The following CSMD1 variants were observed in gnomAD, a reference collection of about 807,000 sequenced individuals.
The protein encoded by CSMD1 is CUB and Sushi multiple domains 1.
In CSMD1, 213 loss-of-function variants were observed where a neutral mutation model predicts 417.5. That is an observed-to-expected ratio of 0.51 (90% confidence interval 0.46 to 0.57). CSMD1 has a LOEUF of 0.57. Among genes scored for constraint, CSMD1 ranks in the 20% least tolerant of loss-of-function variants. The pLI is 0.00. For missense variants in CSMD1, 6,923 were observed against 4,529.7 expected, an observed-to-expected ratio of 1.53 and a Z score of -15.17; for synonymous variants, 2,862 against 1,736.8, an observed-to-expected ratio of 1.65 and a Z score of -16.11.
At chr8:3,857,955 G>A (rs1804430753) in intron 5 of CSMD1, among the ~76,000 whole-genome samples, 1 of 152,184 alleles carries the variant, frequency 6.6e-6, no homozygotes, top group African/African-American at 2.4e-5. Context: ...TACACTGCAT[G>A]GTGACTTCTC....
chr8:3,030,529 G>T (rs545377121), intron 50 of CSMD1, among the ~76,000 whole-genome samples: 53 of 151,998 alleles, frequency 3.5e-4, no homozygotes, highest in African/African-American at 1.2e-3. Context: ...CAGGCTGGAG[G>T]GCAGTGGCAT....
intron 10 of CSMD1, among the ~76,000 whole-genome samples, chr8:3,518,109 A>T (rs1456198502): frequency 6.6e-6 from 1 of 152,040 alleles, no homozygotes. Context: ...ACTATAGATT[A>T]TAACTACAAA....
At position 4,776,696 on chromosome 8, in the gene CSMD1, C is replaced by T. The variant is rs192872098; in HGVS notation, c.86-139138G>A. On this transcript the variant is annotated intron_variant, in intron 1 of 69. Transcript: ENST00000635120. ...CTTTACCACAGGGAGACAACCAGAACACTGGCTTGATTCCAATTTTAATTT... is the reference window on the plus strand; with the variant it reads ...CTTTACCACAGGGAGACAACCAGAATACTGGCTTGATTCCAATTTTAATTT... Among the ~76,000 whole-genome samples the T allele has an allele frequency of 6.1e-3, 936 of 152,290 alleles. 11 individuals are homozygous for T. The highest frequency in any genetic ancestry group is 0.021 in the African/African-American group (856 of 41,562).
At chr8:4,460,213 G>C (rs1799729408) in intron 2 of CSMD1, among the ~76,000 whole-genome samples, 1 of 151,940 alleles carries the variant, frequency 6.6e-6, no homozygotes, top group Admixed American at 6.6e-5. Context: ...AATAGAATAC[G>C]TGGAAGTTAA....
intron 2 of CSMD1, among the ~76,000 whole-genome samples, chr8:4,509,398 G>T (rs1164309063): frequency 1.3e-5 from 2 of 152,116 alleles, no homozygotes; most frequent in Non-Finnish European, 2.9e-5. Flanking sequence ...CTGCTTCAAA[G>T]GGGAATCAGA....
At chr8:2,984,808 C>A (rs1484658845) in intron 54 of CSMD1, among the ~76,000 whole-genome samples, 2 of 152,236 alleles carry the variant, frequency 1.3e-5, no homozygotes, top group African/African-American at 2.4e-5. Context: ...ATAAACTTTT[C>A]AATCGTCCAT....
intron 2 of CSMD1, among the ~76,000 whole-genome samples, chr8:4,501,042 G>C (rs1017272668): frequency 6.6e-6 from 1 of 152,032 alleles, no homozygotes; most frequent in African/African-American, 2.4e-5. Context: ...CTTGGGTTAT[G>C]ACATCTGAGA....
At chr8:3,502,474 C>T (rs748591596) in intron 10 of CSMD1, among the ~76,000 whole-genome samples, 2 of 152,000 alleles carry the variant, frequency 1.3e-5, no homozygotes, top group African/African-American at 2.4e-5. Context: ...ATATGTCCTT[C>T]AGCAGGTGAA....
At chr8:4,627,285 G>T (rs1440540792) in intron 2 of CSMD1, among the ~76,000 whole-genome samples, 1 of 152,038 alleles carries the variant, frequency 6.6e-6, no homozygotes, top group African/African-American at 2.4e-5. Context: ...ATCTTAAACA[G>T]AAAAAAGTCA....
intron 3 of CSMD1, among the ~76,000 whole-genome samples, chr8:4,202,508 CTT>C (rs1799718725): frequency 6.6e-6 from 1 of 152,170 alleles, no homozygotes; most frequent in African/African-American, 2.4e-5. Context: ...CAAATTTGCA[CTT>C]TTATACTTAA....
chr8:3,757,266 G>T (rs550444531), intron 5 of CSMD1, among the ~76,000 whole-genome samples: 28 of 152,282 alleles, frequency 1.8e-4, no homozygotes, highest in African/African-American at 6.5e-4. Flanking sequence ...TTTCTGTAAA[G>T]GGCCAGGGAG....
intron 25 of CSMD1, among the ~76,000 whole-genome samples, chr8:3,298,732 G>A (rs114394070): frequency 0.021 from 3,264 of 152,288 alleles, 113 homozygotes; most frequent in African/African-American, 0.073. Context: ...AGGATTACAG[G>A]CGTAAGCCAT....
intron 25 of CSMD1, among the ~76,000 whole-genome samples, chr8:3,294,334 C>G (rs1289230068): frequency 6.6e-6 from 1 of 152,148 alleles, no homozygotes; most frequent in East Asian, 1.9e-4. Flanking sequence ...GGGAGATCCA[C>G]TACGCTCTTC....
At chr8:4,056,828 T>C (rs1360136405) in intron 3 of CSMD1, among the ~76,000 whole-genome samples, 1 of 152,162 alleles carries the variant, frequency 6.6e-6, no homozygotes, top group African/African-American at 2.4e-5. Flanking sequence ...GAATGATGAT[T>C]TCCAATTTCA....
At chr8:4,406,790 G>T (rs1006278303) in intron 3 of CSMD1, among the ~76,000 whole-genome samples, 2 of 152,168 alleles carry the variant, frequency 1.3e-5, no homozygotes, top group African/African-American at 2.4e-5. Context: ...TGAGTCATCT[G>T]GTGTTTGATG....
intron 3 of CSMD1, among the ~76,000 whole-genome samples, chr8:4,075,088 T>C (rs951670336): frequency 9.9e-5 from 15 of 152,278 alleles, no homozygotes; most frequent in East Asian, 5.8e-4. Context: ...TTCTTCAGTA[T>C]TATTAGACAA....
intron 5 of CSMD1, among the ~76,000 whole-genome samples, chr8:3,990,863 C>A (rs1057331187): frequency 6.6e-6 from 1 of 152,134 alleles, no homozygotes; most frequent in African/African-American, 2.4e-5. Context: ...TGCCCCTTCA[C>A]AGAGAGCCAC....
At chr8:4,449,583 C>G (rs922917846) in intron 2 of CSMD1, among the ~76,000 whole-genome samples, 2 of 152,122 alleles carry the variant, frequency 1.3e-5, no homozygotes, top group African/African-American at 4.8e-5. Flanking sequence ...TTAGCCATTC[C>G]CATAATAGAG....
At chr8:4,242,735 C>A (rs1330288155) in intron 3 of CSMD1, among the ~76,000 whole-genome samples, 3 of 152,062 alleles carry the variant, frequency 2.0e-5, no homozygotes, top group Admixed American at 6.6e-5. Context: ...GAGTGGCTCT[C>A]CTGCAGGGCA....
Sources: gnomAD v4.1 joint callset for allele counts (sites outside exome capture counted in the v4.1 genomes callset) on GRCh38, gnomAD v4.1.1 for gene constraint, MANE v1.5 for transcripts, NCBI Gene and HGNC (gene_info 2026-07-23, HGNC 2026-07-21) for gene names.